ROBO1: variants seen among roughly 807,000 people sequenced by gnomAD.
The protein encoded by ROBO1 is roundabout guidance receptor 1, also known as roundabout homolog 1.
ROBO1 carries 149 observed loss-of-function variants against 195.9 expected under a neutral mutation model. That is an observed-to-expected ratio of 0.76 (90% CI 0.67 to 0.87). The LOEUF (loss-of-function observed/expected upper bound fraction) is 0.87, where lower values mean the gene tolerates loss of function less well. ROBO1 is among the 40% of genes least tolerant of loss of function. ROBO1 has a pLI of 0.00. For missense variants in ROBO1, 1,933 were observed against 2,068.3 expected (o/e 0.93, Z 1.27); for synonymous variants, 816 against 733.2 (o/e 1.11, Z -1.82).
chr3:79,245,092 TTA>T (rs989987006), intron 2 of ROBO1, among the ~76,000 whole-genome samples: 5 of 152,096 alleles, frequency 3.3e-5, no homozygotes, highest in African/African-American at 1.2e-4. Context: ...TAGTCATAAC[TTA>T]TATATGTTTT....
At chr3:79,352,172 C>T (rs536804859) in intron 2 of ROBO1, among the ~76,000 whole-genome samples, 1 of 152,092 alleles carries the variant, frequency 6.6e-6, no homozygotes, top group Non-Finnish European at 1.5e-5. Context: ...CTCTATAATA[C>T]TCTAATACTC....
At chr3:78,806,672 G>GT (rs1183603663) in intron 4 of ROBO1, among the ~76,000 whole-genome samples, 1 of 152,114 alleles carries the variant, frequency 6.6e-6, no homozygotes, top group East Asian at 1.9e-4. Flanking sequence ...TTTTAAGCAG[G>GT]TAAGTTAAGC....
At chr3:78,955,333 A>G (rs901665019) in intron 3 of ROBO1, among the ~76,000 whole-genome samples, 1 of 152,034 alleles carries the variant, frequency 6.6e-6, no homozygotes, top group African/African-American at 2.4e-5. Flanking sequence ...GGTACCTGAC[A>G]TGTATTTTTT....
chr3:79,411,957 T>C (rs957023355), intron 2 of ROBO1, among the ~76,000 whole-genome samples: 9 of 152,072 alleles, frequency 5.9e-5, no homozygotes, highest in Non-Finnish European at 1.0e-4. Flanking sequence ...CCAGCTTTCG[T>C]TCTGTCCGAG....
chr3:78,889,292 T>C (rs1014767072), intron 4 of ROBO1, among the ~76,000 whole-genome samples: 4 of 152,224 alleles, frequency 2.6e-5, no homozygotes, highest in African/African-American at 4.8e-5. Context: ...GTTTCTCACA[T>C]ATGCCAGAGG....
chr3:79,513,385 A>G (rs1940804816), intron 2 of ROBO1, among the ~76,000 whole-genome samples: 1 of 152,134 alleles, frequency 6.6e-6, no homozygotes, highest in Non-Finnish European at 1.5e-5. Flanking sequence ...CATATTTTTA[A>G]AAAGCAATCT....
chr3:79,420,016 T>C (rs1473809831), intron 2 of ROBO1, among the ~76,000 whole-genome samples: 1 of 152,100 alleles, frequency 6.6e-6, no homozygotes, highest in East Asian at 1.9e-4. Context: ...CTGATGGCAT[T>C]AACAGAAAAT....
At chr3:78,913,910 A>C (rs1359337212) in intron 4 of ROBO1, among the ~76,000 whole-genome samples, 1 of 152,196 alleles carries the variant, frequency 6.6e-6, no homozygotes, top group Non-Finnish European at 1.5e-5. Flanking sequence ...TAGGCTAGAG[A>C]CCAAGAAAAC....
intron 5 of ROBO1, among the ~76,000 whole-genome samples, chr3:78,740,923 T>C (rs1436675516): frequency 2.6e-5 from 4 of 152,192 alleles, no homozygotes; most frequent in African/African-American, 9.6e-5. Context: ...TAAATATTCA[T>C]TTACTAATCT....
At chr3:79,353,403 AC>A (rs1559839290) in intron 2 of ROBO1, among the ~76,000 whole-genome samples, 2 of 11,528 alleles carry the variant, frequency 1.7e-4, no homozygotes, top group Admixed American at 1.3e-3. Flanking sequence ...AGAAACAAAC[AC>A]ACACACACAC....
intron 2 of ROBO1, among the ~76,000 whole-genome samples, chr3:79,387,057 AGTGGGCTTCTCCT>A: frequency 6.6e-6 from 1 of 152,144 alleles, no homozygotes; most frequent in Non-Finnish European, 1.5e-5. Flanking sequence ...GGGATGACAA[AGTGGGCTTCTCCT>A]TCATCTATTT....
At chr3:78,899,918 T>G (rs1363011556) in intron 4 of ROBO1, among the ~76,000 whole-genome samples, 1 of 152,234 alleles carries the variant, frequency 6.6e-6, no homozygotes, top group East Asian at 1.9e-4. Context: ...ACCGTATTAA[T>G]GAAATGAAAT....
At chr3:79,606,858 C>A (rs1944502481) in intron 1 of ROBO1, among the ~76,000 whole-genome samples, 1 of 151,698 alleles carries the variant, frequency 6.6e-6, no homozygotes, top group Non-Finnish European at 1.5e-5. Flanking sequence ...ATTATGTATT[C>A]CTGAAATAAA....
At chr3:78,977,280 C>T (rs537678731) in intron 3 of ROBO1, among the ~76,000 whole-genome samples, 276 of 152,186 alleles carry the variant, frequency 1.8e-3, no homozygotes, top group African/African-American at 6.5e-3. Flanking sequence ...GAGATTCCCA[C>T]ATGCTTTGCT....
chr3:79,213,758 A>G (rs1399582857), intron 2 of ROBO1, among the ~76,000 whole-genome samples: 2 of 151,324 alleles, frequency 1.3e-5, no homozygotes, highest in Non-Finnish European at 2.9e-5. Flanking sequence ...AAATATTTGT[A>G]AGCTTTATTT....
intron 4 of ROBO1, among the ~76,000 whole-genome samples, chr3:78,909,943 A>C (rs993851205): frequency 1.5e-4 from 23 of 151,828 alleles, no homozygotes; most frequent in Admixed American, 1.5e-3. Flanking sequence ...TATAAAAATC[A>C]ATGATGCTGT....
chr3:79,527,610 CA>C lies in ROBO1; in HGVS notation c.88+62213del, dbSNP rs981609053. Among the ~76,000 whole-genome samples, 1,085 of 142,920 alleles carry C rather than the reference CA, an allele frequency of 7.6e-3. 11 individuals are homozygous for C. Among genetic ancestry groups the C allele is most frequent in the African/African-American group, 0.024 (957 of 39,152 alleles). 93.8% of individuals were successfully genotyped at this position (142,920 alleles called of 152,430 possible). Reference sequence around the variant, plus strand: ...CTAGTGACATTTTTAGAAACATTAGCAAAAAAAAAAATCAGGTTTACTGTAA... The same window carrying C: ...CTAGTGACATTTTTAGAAACATTAGCAAAAAAAAAATCAGGTTTACTGTAA... On this transcript the variant is annotated intron_variant, in intron 2 of 30. Coordinates refer to ENST00000464233, the MANE Select transcript of ROBO1 (RefSeq NM_002941.4).
At chr3:78,817,422 C>CA (rs137924661) in intron 4 of ROBO1, among the ~76,000 whole-genome samples, 4,619 of 150,656 alleles carry the variant, frequency 0.031, 186 homozygotes, top group African/African-American at 0.096. Context: ...CACTGGAATA[C>CA]AAAAAAAAAT....
chr3:79,046,244 A>G (rs1335678974), intron 3 of ROBO1, among the ~76,000 whole-genome samples: 1 of 152,000 alleles, frequency 6.6e-6, no homozygotes, highest in Non-Finnish European at 1.5e-5. Flanking sequence ...CAAGGTATTG[A>G]TGTCTCTGGC....
Sources: allele counts gnomAD v4.1 joint callset (sites outside exome capture counted in the v4.1 genomes callset), GRCh38; gene constraint gnomAD v4.1.1; transcripts MANE v1.5; gene names NCBI Gene and HGNC (gene_info 2026-07-23, HGNC 2026-07-21).